Variants in WDFY2 observed in about 807,000 individuals in gnomAD.
WDFY2 encodes WD repeat and FYVE domain containing 2.
A neutral mutation model predicts 56.4 loss-of-function variants in WDFY2; 36 were observed. The observed-to-expected ratio is 0.64, with a 90% CI of 0.49 to 0.84. WDFY2 has a LOEUF of 0.84. Among genes scored for constraint, WDFY2 ranks in the 40% least tolerant of loss-of-function variants. The pLI, the probability that WDFY2 is intolerant of heterozygous loss-of-function variation, is 0.00. For missense variants in WDFY2, 444 were observed against 512.2 expected (o/e 0.87, Z 1.29); for synonymous variants, 176 against 183.7 (o/e 0.96, Z 0.34).
chr13:51,633,420 C>T (rs1486260465), intron 1 of WDFY2, among the ~76,000 whole-genome samples: 6 of 152,292 alleles, frequency 3.9e-5, no homozygotes, highest in Middle Eastern at 3.4e-3. Flanking sequence ...CCAGTTTACT[C>T]GTGTGTATAA....
intron 6 of WDFY2, among the ~76,000 whole-genome samples, chr13:51,734,481 A>G (rs1952792679): frequency 6.6e-6 from 1 of 152,230 alleles, no homozygotes. Flanking sequence ...TTATGAGAGT[A>G]TATAGTAGTA....
At chr13:51,710,950 T>C (rs987647168) in intron 4 of WDFY2, among the ~76,000 whole-genome samples, 4 of 152,082 alleles carry the variant, frequency 2.6e-5, no homozygotes, top group African/African-American at 7.2e-5. Flanking sequence ...TTAAAGTTCA[T>C]ATGGAACCAA....
intron 3 of WDFY2, among the ~76,000 whole-genome samples, chr13:51,684,493 C>CT (rs943448964): frequency 6.6e-6 from 1 of 151,656 alleles, no homozygotes; most frequent in Non-Finnish European, 1.5e-5. Context: ...GCTGCTTACT[C>CT]TTTTTTTGGT....
At chr13:51,645,216 C>T (rs1015468619) in intron 1 of WDFY2, among the ~76,000 whole-genome samples, 3 of 151,230 alleles carry the variant, frequency 2.0e-5, no homozygotes, top group East Asian at 1.9e-4. Context: ...GTTTGCAGAT[C>T]GCTAGGGGCT....
intron 1 of WDFY2, among the ~76,000 whole-genome samples, chr13:51,585,120 C>T (rs1447667717): frequency 6.6e-6 from 1 of 152,176 alleles, no homozygotes; most frequent in Non-Finnish European, 1.5e-5. Flanking sequence ...TTTGGTCCAT[C>T]CCTGAGGACA....
At chr13:51,703,837 G>A (rs1016373592) in intron 4 of WDFY2, among the ~76,000 whole-genome samples, 187 bp downstream of exon 4, 1 of 152,162 alleles carries the variant, frequency 6.6e-6, no homozygotes, top group African/African-American at 2.4e-5. Flanking sequence ...TGGCTTGCCT[G>A]GGGTTCTAAT....
At chr13:51,592,859 C>T (rs1421561939) in intron 1 of WDFY2, among the ~76,000 whole-genome samples, 5 of 152,150 alleles carry the variant, frequency 3.3e-5, no homozygotes, top group East Asian at 1.9e-4. Flanking sequence ...TGGTGATTCA[C>T]ACCTATAATC....
At chr13:51,709,164 C>T (rs9535739) in intron 4 of WDFY2, among the ~76,000 whole-genome samples, 20,681 of 152,228 alleles carry the variant, frequency 0.14, 1,759 homozygotes, top group South Asian at 0.23. Context: ...AACTTGCTCT[C>T]ATTGACATCT....
rs1953678971 is a variant in WDFY2, at chr13:51,764,299, T to C, written c.*4530T>C. ...GGGTCTTTTCAGTGCAATGTGGTTA[T>C]GATAGAGGCATGCCAGGGTGCCACT... On this transcript the variant is annotated 3_prime_UTR_variant, in exon 12 of 12. Transcript: ENST00000298125. 1 of 152,298 alleles carries C rather than the reference T, an allele frequency of 6.6e-6. No homozygotes were observed. The highest frequency in any genetic ancestry group is 6.5e-5 in the Admixed American group (1 of 15,284). The allele number at this position is 152,298 out of a possible 1,614,324, so 9.4% of individuals were successfully genotyped here. A position where few individuals can be genotyped will look rare whatever the true frequency, so the allele number is the denominator to read the frequency against.
Position 51,719,109 on chromosome 13 carries a change from G to A in WDFY2, c.335-89G>A. The A allele has an allele frequency of 1.9e-6, 3 of 1,555,522 alleles. No homozygotes were observed. The South Asian group carries it at 3.4e-5, about 18-fold the overall frequency. On this transcript the variant is annotated intron_variant, in intron 4 of 11. Coordinates refer to ENST00000298125, the MANE Select transcript of WDFY2 (RefSeq NM_052950.4). Reference sequence around the variant, plus strand: ...GCTGTTCAGCTTATTCTGGGGTGGGGAGAAGAGAATGGTGCATCTCTGTGG... The same window carrying A: ...GCTGTTCAGCTTATTCTGGGGTGGGAAGAAGAGAATGGTGCATCTCTGTGG...
intron 6 of WDFY2, among the ~76,000 whole-genome samples, chr13:51,732,057 G>A (rs770110688): frequency 6.6e-6 from 1 of 152,174 alleles, no homozygotes; most frequent in Non-Finnish European, 1.5e-5. Context: ...GGATATCATA[G>A]TTCTTTGCTA....
chr13:51,716,453 G>C (rs1355517436), intron 4 of WDFY2, among the ~76,000 whole-genome samples: 13 of 152,030 alleles, frequency 8.6e-5, no homozygotes. Context: ...AGCACTTTGG[G>C]AGGCCGAGGC....
Position 51,659,377 on chromosome 13 carries a change from T to C in WDFY2, c.138-1219T>C, listed in dbSNP as rs569280959. Among the ~76,000 whole-genome samples, 72 of 152,302 alleles carry C rather than the reference T, an allele frequency of 4.7e-4. 1 individual carries two copies. Among genetic ancestry groups the C allele is most frequent in the Non-Finnish European group, 6.5e-4 (44 of 68,026 alleles). ...GAGATAAAAGTGCTCAGTTTGTCAC[T>C]CTGCTTTTAACCCTGGGATGGCTTA... On this transcript the variant is annotated intron_variant, in intron 1 of 11. Coordinates refer to ENST00000298125, the MANE Select transcript of WDFY2 (RefSeq NM_052950.4).
chr13:51,612,786 A>T (rs1954528684), intron 1 of WDFY2, among the ~76,000 whole-genome samples: 2 of 151,780 alleles, frequency 1.3e-5, no homozygotes, highest in Admixed American at 1.3e-4. Flanking sequence ...TCTGTTTTCT[A>T]CTCTATTCTT....
At chr13:51,629,258 T>A (rs77588349) in intron 1 of WDFY2, among the ~76,000 whole-genome samples, 4 of 152,224 alleles carry the variant, frequency 2.6e-5, no homozygotes, top group Non-Finnish European at 4.4e-5. Flanking sequence ...TAAACGTTCA[T>A]GTAGATAGAT....
chr13:51,731,531 A>G (rs1421388519), intron 6 of WDFY2, among the ~76,000 whole-genome samples: 1 of 152,214 alleles, frequency 6.6e-6, no homozygotes, highest in East Asian at 1.9e-4. Flanking sequence ...TTAGATGGTT[A>G]CCTTATTATT....
intron 10 of WDFY2, 65 bp from the exon 11 acceptor site, chr13:51,758,127 C>T: frequency 1.5e-6 from 2 of 1,338,134 alleles, no homozygotes; most frequent in Non-Finnish European, 1.0e-6. Flanking sequence ...CTAATGTCAT[C>T]CTAGATCTCT....
At chr13:51,605,002 A>G (rs1954357524) in intron 1 of WDFY2, among the ~76,000 whole-genome samples, 1 of 152,220 alleles carries the variant, frequency 6.6e-6, no homozygotes, top group Non-Finnish European at 1.5e-5. Flanking sequence ...AGTTTCCTAG[A>G]TGATAAGTGG....
intron 2 of WDFY2, among the ~76,000 whole-genome samples, chr13:51,663,071 A>G (rs1180962213): frequency 2.0e-5 from 3 of 152,132 alleles, no homozygotes; most frequent in Non-Finnish European, 4.4e-5. Flanking sequence ...CCAAGGCGGG[A>G]GGATTTTTTG....
Sources: allele counts gnomAD v4.1 joint callset (sites outside exome capture counted in the v4.1 genomes callset), GRCh38; gene constraint gnomAD v4.1.1; transcripts MANE v1.5; gene names NCBI Gene and HGNC (gene_info 2026-07-23, HGNC 2026-07-21).